Variants in GALNT1 observed in about 807,000 individuals in gnomAD.
GALNT1 encodes polypeptide N-acetylgalactosaminyltransferase 1.
In GALNT1, 17 loss-of-function variants were observed where a neutral mutation model predicts 65.7. The observed-to-expected ratio is 0.26, with a 90% CI of 0.18 to 0.39. The LOEUF is 0.39. Among genes scored for constraint, GALNT1 ranks in the 10% least tolerant of loss-of-function variants. The pLI is 1.00. For missense variants in GALNT1, 460 were observed against 672.8 expected (o/e 0.68, Z 3.50); for synonymous variants, 210 against 219.7 (o/e 0.96, Z 0.39).
At chr18:35,670,293 C>CA (rs1039203355) in intron 3 of GALNT1, among the ~76,000 whole-genome samples, 18 of 143,382 alleles carry the variant, frequency 1.3e-4, no homozygotes, top group East Asian at 6.1e-4. Context: ...GACTCTGCCT[C>CA]AAAAAAAAAG....
chr18:35,709,813 G>C lies in GALNT1; in HGVS notation c.*43G>C. Reference sequence around the variant, plus strand: ...AACGAAAAAAATAAGGATTGACTGGGCTACCTCAGCATACATTTCTGCCAC... The same window carrying C: ...AACGAAAAAAATAAGGATTGACTGGCCTACCTCAGCATACATTTCTGCCAC... On this transcript the variant is annotated 3_prime_UTR_variant, in exon 12 of 12. Coordinates refer to ENST00000269195, the MANE Select transcript of GALNT1 (RefSeq NM_020474.4). The C allele has an allele frequency of 1.2e-6, 2 of 1,606,574 alleles. No homozygotes were observed. Among genetic ancestry groups the C allele is most frequent in the South Asian group, 2.2e-5 (2 of 90,474 alleles).
intron 1 of GALNT1, among the ~76,000 whole-genome samples, chr18:35,604,713 T>C (rs1179232799): frequency 6.6e-6 from 1 of 152,256 alleles, no homozygotes; most frequent in African/African-American, 2.4e-5. Flanking sequence ...GTGTATGTCT[T>C]CTTTTGAGAA....
At chr18:35,592,321 CAATT>C (rs2046455108) in intron 1 of GALNT1, among the ~76,000 whole-genome samples, 1 of 151,970 alleles carries the variant, frequency 6.6e-6, no homozygotes, top group Non-Finnish European at 1.5e-5. Flanking sequence ...AAAATAGAAA[CAATT>C]AAGTAAACAA....
intron 9 of GALNT1, among the ~76,000 whole-genome samples, chr18:35,697,515 A>G (rs1304562892): frequency 6.6e-6 from 1 of 152,218 alleles, no homozygotes; most frequent in Admixed American, 6.5e-5. Flanking sequence ...ATTTAAATTT[A>G]TTTAACTAGT....
intron 1 of GALNT1, among the ~76,000 whole-genome samples, chr18:35,646,474 C>T (rs1324453100): frequency 6.6e-6 from 1 of 152,180 alleles, no homozygotes; most frequent in Non-Finnish European, 1.5e-5. Context: ...GGGGGTCTCA[C>T]TTTCATGCCT....
chr18:35,588,604 T>A (rs1191425631), intron 1 of GALNT1, among the ~76,000 whole-genome samples: 1 of 152,224 alleles, frequency 6.6e-6, no homozygotes, highest in Non-Finnish European at 1.5e-5. Context: ...CACATGTTTT[T>A]GAGGCTTTGT....
At chr18:35,601,521 T>C (rs190066534) in intron 1 of GALNT1, among the ~76,000 whole-genome samples, 1 of 152,276 alleles carries the variant, frequency 6.6e-6, no homozygotes, top group East Asian at 1.9e-4. Context: ...TGAGGAGTAT[T>C]GTTAGGTTGT....
At chr18:35,627,945 C>G (rs778280651) in intron 1 of GALNT1, among the ~76,000 whole-genome samples, 1 of 139,436 alleles carries the variant, frequency 7.2e-6, no homozygotes, top group Non-Finnish European at 1.7e-5. Context: ...TCGGAGGGTC[C>G]TACGCCCACG....
chr18:35,663,987 C>T, intron 3 of GALNT1, 185 bp downstream of exon 3: 1 of 547,422 alleles, frequency 1.8e-6, no homozygotes, highest in Non-Finnish European at 3.2e-6. Context: ...TGATTATTAG[C>T]ACTATGTATT....
At chr18:35,615,984 G>A (rs1227615731) in intron 1 of GALNT1, among the ~76,000 whole-genome samples, 1 of 152,152 alleles carries the variant, frequency 6.6e-6, no homozygotes, top group Non-Finnish European at 1.5e-5. Context: ...TAGTGCAAAA[G>A]CAGCTGTAAA....
intron 5 of GALNT1, 22 bp from the exon 6 acceptor site, chr18:35,686,994 T>C: frequency 6.3e-7 from 1 of 1,591,752 alleles, no homozygotes; most frequent in Non-Finnish European, 8.6e-7. Context: ...AAAGATTTCT[T>C]AACTTGCTTT....
intron 1 of GALNT1, among the ~76,000 whole-genome samples, chr18:35,612,651 G>C (rs2046732268): frequency 1.3e-5 from 2 of 152,194 alleles, no homozygotes; most frequent in Non-Finnish European, 2.9e-5. Context: ...ATCACCAGAT[G>C]TCAGGCATTC....
At chr18:35,622,137 T>G (rs1289249819) in intron 1 of GALNT1, among the ~76,000 whole-genome samples, 1 of 152,204 alleles carries the variant, frequency 6.6e-6, no homozygotes, top group Non-Finnish European at 1.5e-5. Context: ...GTACACAGAT[T>G]AATATAAAGA....
chr18:35,596,105 T>C (rs1440456728), intron 1 of GALNT1: 1 of 152,036 alleles, frequency 6.6e-6, no homozygotes, highest in Non-Finnish European at 1.5e-5. Flanking sequence ...ATATAGAGAT[T>C]AGGGTAGATT....
intron 9 of GALNT1, among the ~76,000 whole-genome samples, chr18:35,701,175 G>A (rs1301623932): frequency 6.6e-6 from 1 of 152,022 alleles, no homozygotes; most frequent in African/African-American, 2.4e-5. Flanking sequence ...GGGCTCAAGT[G>A]ATCCTCCCAC....
chr18:35,637,813 CTT>C (rs1346163014), intron 1 of GALNT1, among the ~76,000 whole-genome samples: 2 of 152,212 alleles, frequency 1.3e-5, no homozygotes, highest in Non-Finnish European at 2.9e-5. Flanking sequence ...AACAGACTGA[CTT>C]TGTTAGTAGG....
intron 1 of GALNT1, among the ~76,000 whole-genome samples, chr18:35,600,588 T>G (rs1188034701): frequency 4.5e-4 from 68 of 152,198 alleles, no homozygotes; most frequent in Non-Finnish European, 1.2e-4. Context: ...TGAGCATCCT[T>G]GTCTTGTTCC....
intron 11 of GALNT1, among the ~76,000 whole-genome samples, chr18:35,707,706 A>C (rs3786386): frequency 0.085 from 12,960 of 152,266 alleles, 601 homozygotes; most frequent in African/African-American, 0.12. Flanking sequence ...CTCCCAACTA[A>C]ATTTTTTGTT....
At chr18:35,604,149 C>T (rs973875349) in intron 1 of GALNT1, among the ~76,000 whole-genome samples, 5 of 151,920 alleles carry the variant, frequency 3.3e-5, no homozygotes, top group Admixed American at 1.3e-4. Context: ...CTCAATGTTT[C>T]GCTCCCACTT....
Sources: gnomAD v4.1 joint callset for allele counts (sites outside exome capture counted in the v4.1 genomes callset) on GRCh38, gnomAD v4.1.1 for gene constraint, MANE v1.5 for transcripts, NCBI Gene and HGNC (gene_info 2026-07-23, HGNC 2026-07-21) for gene names.